Variants in ALS2CL observed in about 807,000 individuals in gnomAD.
ALS2CL encodes ALS2 C-terminal-like protein.
In ALS2CL, 112 loss-of-function variants were observed where a neutral mutation model predicts 127.9. That is an observed-to-expected ratio of 0.88 (90% CI 0.75 to 1.02). The LOEUF is 1.02. ALS2CL is among the 50% of genes least tolerant of loss of function. The probability of loss-of-function intolerance (pLI) is 0.00; values close to 1 mark genes in which losing one functional copy is unlikely to be tolerated. For missense variants in ALS2CL, 1,174 were observed against 1,236.7 expected (o/e 0.95, Z 0.76); for synonymous variants, 519 against 527.6 (o/e 0.98, Z 0.22).
rs1559472012 is a variant in ALS2CL at position 46,681,399 on chromosome 3, G to A, written c.1283C>T (p.Thr428Ile). Residue 428 changes from threonine (T) to isoleucine (I), a missense_variant, in exon 13 of 26, where the codon ACC becomes ATC. Thr to Ile is a moderately conservative substitution (Grantham distance 89). Transcript: ENST00000318962. This position sits in a 1 kb window ranked among gnomAD's most constrained non-coding sequence, Gnocchi z 4.9. ...GAAGTAGCCCTTGTACACCTCGTCG[G>A]TGCTGTACCTGGGGAGGGCCATCAA... ...MCGYGICEYS[T>I]DEVYKGYFQE... 1 of 1,605,984 alleles carries A rather than the reference G, an allele frequency of 6.2e-7. No homozygotes were observed. Among genetic ancestry groups the A allele is most frequent in the Non-Finnish European group, 8.5e-7 (1 of 1,173,798 alleles).
chr3:46,682,210 C>G, intron 10 of ALS2CL, 116 bp from the exon 11 acceptor site: 1 of 1,087,518 alleles, frequency 9.2e-7, no homozygotes, highest in Non-Finnish European at 1.4e-6. Flanking sequence ...TCCCTGCACC[C>G]ACCCAGCCCT....
At chr3:46,683,383 AG>A in intron 9 of ALS2CL, 57 bp from the exon 10 acceptor site, 1 of 1,518,530 alleles carries the variant, frequency 6.6e-7, no homozygotes, top group Non-Finnish European at 8.9e-7. Flanking sequence ...CTTTCCCTCC[AG>A]GAAGCCTTCT....
At chr3:46,673,243 C>T in intron 22 of ALS2CL, 96 bp downstream of exon 22, 1 of 1,011,618 alleles carries the variant, frequency 9.9e-7, no homozygotes, top group Non-Finnish European at 1.4e-6. Context: ...CCCAGCTCCT[C>T]TGCAGCCTCC....
intron 10 of ALS2CL, among the ~76,000 whole-genome samples, chr3:46,682,465 C>T (rs934588903): frequency 3.3e-5 from 5 of 152,064 alleles, no homozygotes; most frequent in African/African-American, 1.2e-4. Flanking sequence ...TTTTTCTGTC[C>T]TTTTGTTCAT....
chr3:46,689,760 T>C (rs1700047693), intron 1 of ALS2CL, among the ~76,000 whole-genome samples: 1 of 152,246 alleles, frequency 6.6e-6, no homozygotes, highest in Non-Finnish European at 1.5e-5. Context: ...GGCCTGCTCA[T>C]TCCTCTGCTC....
chr3:46,674,805 C>A, intron 20 of ALS2CL, 66 bp from the exon 21 acceptor site: 1 of 1,429,440 alleles, frequency 7.0e-7, no homozygotes, highest in Non-Finnish European at 9.3e-7. Context: ...CTTGGAGTCT[C>A]GTCTCAAAGA....
At position 46,676,717 on chromosome 3, in the gene ALS2CL, C is replaced by T. The variant is rs368857568; in HGVS notation, c.1953G>A (p.Val651=). The change falls in exon 18 of 26, where the codon GTG becomes GTA. Residue 651 remains valine, a synonymous_variant. Coordinates refer to ENST00000318962, the MANE Select transcript of ALS2CL (RefSeq NM_147129.5). ...CCTCCAGGATGTCTTCCATACTGCC[C>T]ACACTGTCCTCAGGGTGGGTCCTGG... ...SCERTHPEDS[V]GSMEDILEEL... is the part of the protein sequence containing the mutation. The T allele has an allele frequency of 3.1e-6, 5 of 1,613,598 alleles. No individual in the cohort carries two copies. Among genetic ancestry groups the T allele is most frequent in the African/African-American group, 2.7e-5 (2 of 74,860 alleles).
Position 46,687,637 on chromosome 3 carries a change from T to A in ALS2CL, c.350A>T (p.Lys117Met). The change falls in exon 4 of 26, where the codon AAG (lysine) becomes ATG (methionine). Residue 117 changes from lysine to methionine, a missense_variant. Coordinates refer to ENST00000318962, the MANE Select transcript of ALS2CL (RefSeq NM_147129.5). ...TSCMVVQAFQKAAKRRSEYWR... is the reference protein window; with the variant it reads ...TSCMVVQAFQMAAKRRSEYWR... ...TGCTCACCTTCTCCTCTTTGCTGCCTTCTGGAAGGCCTGCACCACCATGCA... is the reference window on the plus strand; with the variant it reads ...TGCTCACCTTCTCCTCTTTGCTGCCATCTGGAAGGCCTGCACCACCATGCA... 3 of 1,613,334 alleles carry A rather than the reference T, an allele frequency of 1.9e-6. No homozygotes were observed. Among genetic ancestry groups the A allele is most frequent in the Non-Finnish European group, 2.5e-6 (3 of 1,179,722 alleles).
In ALS2CL at chr3:46,688,105, G is replaced by A. The variant is rs772116443; in HGVS notation, c.295C>T (p.His99Tyr). The A allele has an allele frequency of 9.9e-6, 16 of 1,613,152 alleles. No homozygotes were observed. The highest frequency in any genetic ancestry group is 3.3e-5 in the Admixed American group (2 of 60,012). The change falls in exon 3 of 26, where the codon CAC becomes TAC. Residue 99 changes from histidine to tyrosine, a missense_variant. Transcript: ENST00000318962. The stretch of plus-strand genomic sequence containing the variant: ...CACCTCCAGTGGTCTTACTCTATGT[G>A]GGCCTGCAGTACACGGTCAGCACCT... ...LRGADRVLQA[H>Y]IEYIESYTSC...
At chr3:46,675,796 G>A (rs1698768341) in intron 19 of ALS2CL, 110 bp from the exon 20 acceptor site, 1 of 1,562,200 alleles carries the variant, frequency 6.4e-7, no homozygotes, top group Non-Finnish European at 8.6e-7. Context: ...CTGTGGACAT[G>A]GCCTGCAGGG....
Position 46,683,286 on chromosome 3 carries a change from G to A in ALS2CL, c.953C>T (p.Ala318Val), listed in dbSNP as rs771043850. 1 of 1,602,878 alleles carries A rather than the reference G, an allele frequency of 6.2e-7. No individual in the cohort carries two copies. Among genetic ancestry groups the A allele is most frequent in the Admixed American group, 1.7e-5 (1 of 58,622 alleles). ...QWKVTWAVHQ[A>V]LHGKKDFPVL... ...GGGGAAGTCCTTCTTCCCATGCAGG[G>A]CCTGGTGAACAGCCCAGGTCACCTT... is the stretch of plus-strand genomic sequence containing the variant. The change falls in exon 10 of 26, where the codon GCC becomes GTC. Residue 318 changes from alanine to valine, a missense_variant. Coordinates refer to ENST00000318962, the MANE Select transcript of ALS2CL (RefSeq NM_147129.5).
chr3:46,686,837 G>A lies in ALS2CL; in HGVS notation c.534+146C>T. The stretch of plus-strand genomic sequence containing the variant: ...CCCCTGAAAACCACAGGACAGGCCT[G>A]TGACTTCCTCAACCCTCTCCCACCT... On this transcript the variant is annotated intron_variant, in intron 5 of 25. Transcript: ENST00000318962. The surrounding 1 kb of genome is among the most constrained non-coding windows in gnomAD (Gnocchi z 4.3). The A allele has an allele frequency of 9.6e-7, 1 of 1,037,248 alleles. No homozygotes were observed. Among genetic ancestry groups the A allele is most frequent in the Non-Finnish European group, 1.3e-6 (1 of 755,032 alleles). 64.3% of individuals were successfully genotyped at this position (1,037,248 alleles called of 1,614,324 possible). A position where few individuals can be genotyped will look rare whatever the true frequency, so the allele number is the denominator to read the frequency against.
chr3:46,676,774 C>G (rs75396319), intron 17 of ALS2CL, 36 bp from the exon 18 acceptor site: 62,022 of 1,612,486 alleles, frequency 0.038, 2,996 homozygotes, highest in African/African-American at 0.24. Flanking sequence ...ACCCACACCT[C>G]GGCCCAGCCC....
At chr3:46,678,185 A>G in intron 16 of ALS2CL, 74 bp downstream of exon 16, 1 of 1,437,580 alleles carries the variant, frequency 7.0e-7, no homozygotes, top group Non-Finnish European at 9.2e-7. Flanking sequence ...CCCTCTGAGG[A>G]GACCTGAGTC....
chr3:46,671,851 CT>C lies in ALS2CL; in HGVS notation c.2684+32del, dbSNP rs148907694. The C allele has an allele frequency of 6.0e-3, 9,691 of 1,611,524 alleles. 486 individuals are homozygous for C. The African/African-American group carries it at 0.11, about 18-fold the overall frequency. ...CGTGGTTGGGGGTGGGACCCTGCCC[CT>C]GCCCTGCACCCCCAGCTCCTGACTG... On this transcript the variant is annotated intron_variant, in intron 24 of 25. Coordinates refer to ENST00000318962, the MANE Select transcript of ALS2CL (RefSeq NM_147129.5).
In ALS2CL at chr3:46,687,566, T is replaced by G. The variant is rs1460008091; in HGVS notation, c.368+53A>C. 4 of 1,593,636 alleles carry G rather than the reference T, an allele frequency of 2.5e-6. No homozygotes were observed. In the African/African-American group the frequency reaches 5.4e-5, roughly 21 times the overall value. On this transcript the variant is annotated intron_variant, in intron 4 of 25. Coordinates refer to ENST00000318962, the MANE Select transcript of ALS2CL (RefSeq NM_147129.5). ...GGAGGGGGCTTCCCCGACCCCACCC[T>G]CACTCAGGCACTCCCACCCTGTCAG...
chr3:46,677,798 T>A (rs1487714633), intron 16 of ALS2CL, among the ~76,000 whole-genome samples: 1 of 152,216 alleles, frequency 6.6e-6, no homozygotes, highest in Non-Finnish European at 1.5e-5. Flanking sequence ...GAATACTCCT[T>A]GATAATGACT....
rs962137604 is a variant in ALS2CL at position 46,686,755 on chromosome 3, T to C, written c.534+228A>G. 3.9e-5 allele frequency among the ~76,000 whole-genome samples: 6 copies of C among 151,946 alleles called. No homozygotes were observed. The highest frequency in any genetic ancestry group is 3.9e-4 in the East Asian group (2 of 5,172). On this transcript the variant is annotated intron_variant, in intron 5 of 25. Coordinates refer to ENST00000318962, the MANE Select transcript of ALS2CL (RefSeq NM_147129.5). The surrounding 1 kb of genome is among the most constrained non-coding windows in gnomAD (Gnocchi z 4.3). ...AGTGCTTTCACCCACTAAGATTCCC[T>C]AGGACAGAACCATGTCTTCGGACCC...
chr3:46,681,978 C>A lies in ALS2CL; in HGVS notation c.1175+51G>T. ...TGGTGACCACAGCAGGGGAGGAAAG[C>A]ACCCTTCAGCCCACTGCACGCCTCC... On this transcript the variant is annotated intron_variant, in intron 11 of 25. Transcript: ENST00000318962. This position sits in a 1 kb window ranked among gnomAD's most constrained non-coding sequence, Gnocchi z 4.9. The A allele has an allele frequency of 6.3e-7, 1 of 1,594,198 alleles. No homozygotes were observed. The highest frequency in any genetic ancestry group is 8.6e-7 in the Non-Finnish European group (1 of 1,166,298).
Sources: allele counts gnomAD v4.1 joint callset (sites outside exome capture counted in the v4.1 genomes callset), GRCh38; gene constraint gnomAD v4.1.1; non-coding constraint Gnocchi (gnomAD v3.1); transcripts MANE v1.5; gene names NCBI Gene and HGNC (gene_info 2026-07-23, HGNC 2026-07-21).